The following EBF3 variants were observed in gnomAD, a reference collection of about 807,000 sequenced individuals.
EBF3 encodes EBF transcription factor 3, also known as transcription factor COE3.
A neutral mutation model predicts 77.1 loss-of-function variants in EBF3; 18 were observed. The ratio of observed to expected loss-of-function variants is 0.23; its 90% CI spans 0.16 to 0.35. The LOEUF (loss-of-function observed/expected upper bound fraction) is 0.35. Ranked by LOEUF, EBF3 falls within the 10% of genes least tolerant of loss-of-function variation. The pLI, the probability that EBF3 is intolerant of heterozygous loss-of-function variation, is 1.00. For synonymous variants in EBF3, 350 were observed against 343.5 expected, an observed-to-expected ratio of 1.02 and a Z score of -0.21; for missense variants, 558 against 860.0, an observed-to-expected ratio of 0.65 and a Z score of 4.39.
At chr10:129,862,052 G>T (rs986670052) in intron 10 of EBF3, among the ~76,000 whole-genome samples, 3 of 152,106 alleles carry the variant, frequency 2.0e-5, no homozygotes, top group Non-Finnish European at 2.9e-5. Context: ...GTGGACACCC[G>T]CCAGGAGACA....
rs185967487 is a variant in EBF3 at position 129,910,627 on chromosome 10, C to T, written c.555-32778G>A. Among the ~76,000 whole-genome samples, 457 of 152,246 alleles carry T rather than the reference C, an allele frequency of 3.0e-3. 2 individuals are homozygous for T. Among genetic ancestry groups the T allele is most frequent in the African/African-American group, 9.8e-3 (407 of 41,520 alleles). Reference sequence around the variant, plus strand: ...ATGCCAGGTGTACGGATTGTCCACCCAGCTCCTACGCTCCCTGCTGTGGGT... The same window carrying T: ...ATGCCAGGTGTACGGATTGTCCACCTAGCTCCTACGCTCCCTGCTGTGGGT... On this transcript the variant is annotated intron_variant, in intron 6 of 16. Coordinates refer to ENST00000440978, the MANE Select transcript of EBF3 (RefSeq NM_001375380.1).
At chr10:129,959,272 C>G (rs1255057751) in intron 4 of EBF3, among the ~76,000 whole-genome samples, 4 of 152,062 alleles carry the variant, frequency 2.6e-5, no homozygotes, top group Non-Finnish European at 5.9e-5. Flanking sequence ...GGGAAGGCGC[C>G]GACTGGGCTC....
intron 6 of EBF3, among the ~76,000 whole-genome samples, chr10:129,909,746 AC>A (rs893854268): frequency 2.0e-5 from 3 of 152,128 alleles, no homozygotes; most frequent in African/African-American, 7.2e-5. Context: ...CCTCTGTGGC[AC>A]ACCGTCAGCC....
chr10:129,954,924 C>G (rs1370361252), intron 6 of EBF3, among the ~76,000 whole-genome samples: 1 of 152,016 alleles, frequency 6.6e-6, no homozygotes, highest in Non-Finnish European at 1.5e-5. Flanking sequence ...ACATACACCC[C>G]ACAGAAATGA....
At chr10:129,886,873 G>A (rs1853624101) in intron 6 of EBF3, among the ~76,000 whole-genome samples, 1 of 151,926 alleles carries the variant, frequency 6.6e-6, no homozygotes, top group Non-Finnish European at 1.5e-5. Flanking sequence ...CCTGTCGTGT[G>A]GGGTGCAGGA....
rs569762948 is a variant in EBF3, at chr10:129,870,093, T to C, written c.782-2181A>G. The stretch of plus-strand genomic sequence containing the variant: ...GCACAAGAGACTGCTATCTGGCAGC[T>C]GTGGCCCAGTGGAAAGCCACATCAT... On this transcript the variant is annotated intron_variant, in intron 8 of 16. Coordinates refer to ENST00000440978, the MANE Select transcript of EBF3 (RefSeq NM_001375380.1). This position sits in a 1 kb window ranked among gnomAD's most constrained non-coding sequence, Gnocchi z 4.4. Among the ~76,000 whole-genome samples, 1 of 152,256 alleles carries C rather than the reference T, an allele frequency of 6.6e-6. No homozygotes were observed. Among genetic ancestry groups the C allele is most frequent in the South Asian group, 2.1e-4 (1 of 4,826 alleles).
rs1369772465 is a variant in EBF3, at chr10:129,836,107, G to A, written c.*1836C>T. 2.0e-5 allele frequency: 3 copies of A among 152,570 alleles called. No individual in the cohort carries two copies. The highest frequency in any genetic ancestry group is 2.1e-4 in the South Asian group (1 of 4,820). 9.5% of individuals were successfully genotyped at this position (152,570 alleles called of 1,614,324 possible). A position where few individuals can be genotyped will look rare whatever the true frequency, so the allele number is the denominator to read the frequency against. ...AGAAAGGAGAGACGGGTCATGCAGC[G>A]GGCTTGTGCTTTTTTGTGTGTGTTT... On this transcript the variant is annotated 3_prime_UTR_variant, in exon 17 of 17. Transcript: ENST00000440978.
At position 129,867,917 on chromosome 10, in the gene EBF3, T is replaced by C; in HGVS notation, c.782-5A>G. The C allele has an allele frequency of 6.2e-7, 1 of 1,613,926 alleles. No homozygotes were observed. Among genetic ancestry groups the C allele is most frequent in the South Asian group, 1.1e-5 (1 of 91,082 alleles). ...TGGCCTTGATGCACGGAGTGGCTGC[T>C]CACACAAGACAGAGAAGGCAGACCT... On this transcript the variant is annotated splice_region_variant and splice_polypyrimidine_tract_variant and intron_variant, in intron 8 of 16. Transcript: ENST00000440978.
At chr10:129,933,147 C>T (rs142279005) in intron 6 of EBF3, among the ~76,000 whole-genome samples, 1,805 of 152,266 alleles carry the variant, frequency 0.012, 15 homozygotes, top group Middle Eastern at 0.02. Context: ...GTCCTGATTC[C>T]GCCACGGTGA....
chr10:129,954,687 G>A (rs1858915622), intron 6 of EBF3, among the ~76,000 whole-genome samples: 1 of 152,088 alleles, frequency 6.6e-6, no homozygotes, highest in Non-Finnish European at 1.5e-5. Context: ...ATATCCTCAG[G>A]ACAAATATGC....
At chr10:129,903,315 G>C (rs997868903) in intron 6 of EBF3, among the ~76,000 whole-genome samples, 8 of 152,198 alleles carry the variant, frequency 5.3e-5, no homozygotes, top group Admixed American at 1.3e-4. Flanking sequence ...TGTTTGGAAG[G>C]CCCTTGGGCA....
chr10:129,962,087 C>A, intron 4 of EBF3, 84 bp downstream of exon 4: 1 of 1,258,340 alleles, frequency 7.9e-7, no homozygotes, highest in South Asian at 1.2e-5. Flanking sequence ...ACACGAGATC[C>A]ATTTGTCAGT....
chr10:129,963,047 T>A lies in EBF3; in HGVS notation c.292-42A>T. ...ATAATTGCATTTAGTGCGATCGGTGTCAGGCGCGGCCACCACGCTCGGTCC... is the reference window on the plus strand; with the variant it reads ...ATAATTGCATTTAGTGCGATCGGTGACAGGCGCGGCCACCACGCTCGGTCC... On this transcript the variant is annotated intron_variant, in intron 2 of 16. Coordinates refer to ENST00000440978, the MANE Select transcript of EBF3 (RefSeq NM_001375380.1). This position sits in a 1 kb window ranked among gnomAD's most constrained non-coding sequence, Gnocchi z 7.1. 6.2e-7 allele frequency: 1 copy of A among 1,612,502 alleles called. No homozygotes were observed. Among genetic ancestry groups the A allele is most frequent in the South Asian group, 1.1e-5 (1 of 91,036 alleles).
At chr10:129,931,682 A>G (rs1167828628) in intron 6 of EBF3, among the ~76,000 whole-genome samples, 2 of 152,236 alleles carry the variant, frequency 1.3e-5, no homozygotes, top group Non-Finnish European at 2.9e-5. Context: ...TTATAAAACG[A>G]AGTCTTCTCA....
At chr10:129,924,958 C>T (rs912281108) in intron 6 of EBF3, among the ~76,000 whole-genome samples, 3 of 152,294 alleles carry the variant, frequency 2.0e-5, no homozygotes, top group African/African-American at 7.2e-5. Flanking sequence ...GCTACGGCAC[C>T]CGGCCTGAAG....
At chr10:129,874,421 T>C (rs1022080265) in intron 7 of EBF3, among the ~76,000 whole-genome samples, 4 of 152,152 alleles carry the variant, frequency 2.6e-5, no homozygotes, top group Admixed American at 6.5e-5. Flanking sequence ...GCAGACTCCA[T>C]AGACCTGCCC....
At chr10:129,867,015 G>A in intron 10 of EBF3, 126 bp downstream of exon 10, 1 of 1,327,916 alleles carries the variant, frequency 7.5e-7, no homozygotes, top group Non-Finnish European at 9.9e-7. Flanking sequence ...CAGGCCAAGG[G>A]GGCTTTGTCT....
rs966940241 is a variant in EBF3 at position 129,944,392 on chromosome 10, T to C, written c.554+12866A>G. 1.3e-5 allele frequency among the ~76,000 whole-genome samples: 2 copies of C among 152,202 alleles called. No individual in the cohort carries two copies. Among genetic ancestry groups the C allele is most frequent in the African/African-American group, 4.8e-5 (2 of 41,448 alleles). On this transcript the variant is annotated intron_variant, in intron 6 of 16. Coordinates refer to ENST00000440978, the MANE Select transcript of EBF3 (RefSeq NM_001375380.1). The surrounding 1 kb of genome is among the most constrained non-coding windows in gnomAD (Gnocchi z 5.1). ...TCTGAGCCTTGATGTTAAATAGGGATCAATACCGCTGGGCTGCAGATGAGA... is the reference window on the plus strand; with the variant it reads ...TCTGAGCCTTGATGTTAAATAGGGACCAATACCGCTGGGCTGCAGATGAGA...
rs1037327112 is a variant in EBF3 at position 129,842,077 on chromosome 10, G to A, written c.1372+39C>T. ...CTAAGGCCTCAACCAACCCTCGGAG[G>A]GCGTTCAGGGCAGGGGTCCTCCCAG... On this transcript the variant is annotated intron_variant, in intron 13 of 16. Coordinates refer to ENST00000440978, the MANE Select transcript of EBF3 (RefSeq NM_001375380.1). The surrounding 1 kb of genome is among the most constrained non-coding windows in gnomAD (Gnocchi z 4.4). The A allele has an allele frequency of 2.5e-6, 4 of 1,613,398 alleles. No individual in the cohort carries two copies. The East Asian group carries it at 8.9e-5, about 36-fold the overall frequency.
Sources: gnomAD v4.1 joint callset for allele counts (sites outside exome capture counted in the v4.1 genomes callset) on GRCh38, gnomAD v4.1.1 for gene constraint, Gnocchi (gnomAD v3.1) non-coding constraint, MANE v1.5 for transcripts, NCBI Gene and HGNC (gene_info 2026-07-23, HGNC 2026-07-21) for gene names.